Variants in TTC39A observed in about 807,000 individuals in gnomAD.
TTC39A encodes tetratricopeptide repeat domain 39A.
In TTC39A, 46 loss-of-function variants were observed where a neutral mutation model predicts 82.3. That is an observed-to-expected ratio of 0.56 (90% CI 0.44 to 0.71). TTC39A has a LOEUF of 0.71. TTC39A is among the 30% of genes least tolerant of loss of function. TTC39A has a pLI of 0.00. For missense variants in TTC39A, 543 were observed against 712.9 expected (o/e 0.76, Z 2.71); for synonymous variants, 254 against 275.2 (o/e 0.92, Z 0.76).
chr1:51,291,155 T>C (rs1372955861), intron 14 of TTC39A, among the ~76,000 whole-genome samples: 1 of 152,192 alleles, frequency 6.6e-6, no homozygotes, highest in African/African-American at 2.4e-5. Flanking sequence ...CACATCTGAT[T>C]CCTTTTATTC....
At chr1:51,317,609 G>T (rs2148257717) in intron 2 of TTC39A, among the ~76,000 whole-genome samples, 1 of 152,276 alleles carries the variant, frequency 6.6e-6, no homozygotes, top group South Asian at 2.1e-4. Flanking sequence ...AATTAGCCAG[G>T]CCTGGTGGCG....
chr1:51,337,897 T>A (rs1204448265), intron 1 of TTC39A, among the ~76,000 whole-genome samples: 20 of 151,956 alleles, frequency 1.3e-4, no homozygotes. Context: ...TTGTTTTGAG[T>A]GGGGTCTCAC....
chr1:51,302,978 C>T, intron 9 of TTC39A, 106 bp downstream of exon 9: 2 of 1,025,268 alleles, frequency 2.0e-6, no homozygotes, highest in East Asian at 2.6e-5. Context: ...GGTTTCAGTA[C>T]CCCTATCCCT....
intron 2 of TTC39A, among the ~76,000 whole-genome samples, chr1:51,315,097 C>T (rs1056861012): frequency 2.0e-5 from 3 of 152,226 alleles, no homozygotes; most frequent in East Asian, 1.9e-4. Flanking sequence ...GTCTGAGGCC[C>T]GGGACTCAGC....
intron 2 of TTC39A, among the ~76,000 whole-genome samples, chr1:51,314,450 A>G (rs1645208173): frequency 6.6e-6 from 1 of 152,190 alleles, no homozygotes; most frequent in Non-Finnish European, 1.5e-5. Context: ...GGAAAGAGAG[A>G]TGACTAAGGT....
Position 51,287,976 on chromosome 1 carries a change from T to C in TTC39A, c.*181A>G. 1 of 1,011,304 alleles carries C rather than the reference T, an allele frequency of 9.9e-7. No homozygotes were observed. Among genetic ancestry groups the C allele is most frequent in the Non-Finnish European group, 1.4e-6 (1 of 714,304 alleles). 62.6% of individuals were successfully genotyped at this position (1,011,304 alleles called of 1,614,324 possible). On this transcript the variant is annotated 3_prime_UTR_variant, in exon 18 of 18. Transcript: ENST00000680483. ...CCTGCTCTGCCCTTGGCAAAGGCCC[T>C]TGGCTACACTGGTGAAAATGCCAGC...
In TTC39A at chr1:51,301,862, C is replaced by T. The variant is rs1569834634; in HGVS notation, c.892-129G>A. On this transcript the variant is annotated intron_variant, in intron 11 of 17. Coordinates refer to ENST00000680483, the MANE Select transcript of TTC39A (RefSeq NM_001297663.2). Reference sequence around the variant, plus strand: ...CATAGTGGTCCAGCCCTGTGCTAGGCTCAGGTGGGGCCCCAGGAGCCAGGA... The same window carrying T: ...CATAGTGGTCCAGCCCTGTGCTAGGTTCAGGTGGGGCCCCAGGAGCCAGGA... 9 of 1,393,808 alleles carry T rather than the reference C, an allele frequency of 6.5e-6. No homozygotes were observed. In the East Asian group the frequency reaches 1.7e-4, roughly 27 times the overall value. The allele number at this position is 1,393,808 out of a possible 1,614,324, so 86.3% of individuals were successfully genotyped here.
At position 51,294,975 on chromosome 1, in the gene TTC39A, C is replaced by G. The variant is rs1231473300; in HGVS notation, c.1146-464G>C. On this transcript the variant is annotated intron_variant, in intron 13 of 17. Coordinates refer to ENST00000680483, the MANE Select transcript of TTC39A (RefSeq NM_001297663.2). The surrounding 1 kb of genome is among the most constrained non-coding windows in gnomAD (Gnocchi z 4.3). Reference sequence around the variant, plus strand: ...GAGTTCTGGCCTTCTCAGCTGTTTCCAAGGGCAGAGCAAAATGCGGTATGC... The same window carrying G: ...GAGTTCTGGCCTTCTCAGCTGTTTCGAAGGGCAGAGCAAAATGCGGTATGC... Among the ~76,000 whole-genome samples the G allele has an allele frequency of 2.0e-5, 3 of 152,192 alleles. No homozygotes were observed. The highest frequency in any genetic ancestry group is 6.5e-5 in the Admixed American group (1 of 15,282).
intron 12 of TTC39A, 91 bp from the exon 13 acceptor site, chr1:51,296,261 C>T: frequency 8.1e-7 from 1 of 1,233,426 alleles, no homozygotes; most frequent in East Asian, 2.5e-5. Context: ...CGTGGCCCAG[C>T]ACAGGAGCTC....
At chr1:51,312,433 C>T in intron 3 of TTC39A, among the ~76,000 whole-genome samples, 1 of 152,222 alleles carries the variant, frequency 6.6e-6, no homozygotes, top group East Asian at 1.9e-4. Flanking sequence ...AGTCCTGGGG[C>T]TGAGGCTATA....
chr1:51,303,642 C>T (rs1226860400), intron 8 of TTC39A, among the ~76,000 whole-genome samples: 1 of 152,114 alleles, frequency 6.6e-6, no homozygotes, highest in Non-Finnish European at 1.5e-5. Context: ...GGGGGCAGAC[C>T]CCCCACCTTG....
chr1:51,293,021 C>CAAG (rs1425568274), intron 14 of TTC39A, among the ~76,000 whole-genome samples: 1 of 151,936 alleles, frequency 6.6e-6, no homozygotes, highest in Admixed American at 6.6e-5. Context: ...CCTTGCCCTT[C>CAAG]CTACAATATC....
chr1:51,319,786 G>A (rs1230376715), intron 2 of TTC39A, among the ~76,000 whole-genome samples: 1 of 151,538 alleles, frequency 6.6e-6, no homozygotes, highest in Non-Finnish European at 1.5e-5. Context: ...CACCTCCTGG[G>A]TTCAAGCGAT....
intron 12 of TTC39A, chr1:51,297,538 C>G (rs529584396): frequency 1.3e-5 from 2 of 152,490 alleles, no homozygotes; most frequent in Admixed American, 1.3e-4. Context: ...TCTTTAACCT[C>G]CCGGGTCACC....
intron 1 of TTC39A, among the ~76,000 whole-genome samples, chr1:51,337,346 G>A (rs1047525201): frequency 6.6e-6 from 1 of 151,688 alleles, no homozygotes; most frequent in African/African-American, 2.4e-5. Context: ...CTTCTCACAC[G>A]ATTCACTACT....
intron 1 of TTC39A, among the ~76,000 whole-genome samples, chr1:51,338,321 A>G (rs1436529749): frequency 2.0e-5 from 3 of 152,070 alleles, no homozygotes; most frequent in African/African-American, 7.2e-5. Flanking sequence ...TTCCTCCTCT[A>G]TTAAAGTGGA....
At position 51,294,110 on chromosome 1, in the gene TTC39A, G is replaced by T. The variant is rs1301825329; in HGVS notation, c.1266+281C>A. On this transcript the variant is annotated intron_variant, in intron 14 of 17. Transcript: ENST00000680483. The surrounding 1 kb of genome is among the most constrained non-coding windows in gnomAD (Gnocchi z 4.3). ...AGGCTGGGATCACTGGCAGCCGGGT[G>T]ATGCCGCTGCCTGGGCACATGGACA... is the stretch of plus-strand genomic sequence containing the variant. Among the ~76,000 whole-genome samples the T allele has an allele frequency of 7.2e-5, 11 of 152,234 alleles. No homozygotes were observed. Among genetic ancestry groups the T allele is most frequent in the African/African-American group, 2.4e-4 (10 of 41,464 alleles).
intron 4 of TTC39A, 33 bp downstream of exon 4, chr1:51,312,086 A>G: frequency 6.3e-7 from 1 of 1,599,274 alleles, no homozygotes; most frequent in Non-Finnish European, 8.5e-7. Context: ...ACCTGGGCTT[A>G]GCATGGTTGA....
At chr1:51,312,043 G>A (rs1645103486) in intron 4 of TTC39A, 76 bp downstream of exon 4, 1 of 1,488,838 alleles carries the variant, frequency 6.7e-7, no homozygotes, top group East Asian at 2.4e-5. Context: ...TGACAGGGAA[G>A]AAAACTGCCC....
Sources: gnomAD v4.1 joint callset for allele counts (sites outside exome capture counted in the v4.1 genomes callset) on GRCh38, gnomAD v4.1.1 for gene constraint, Gnocchi (gnomAD v3.1) non-coding constraint, MANE v1.5 for transcripts, NCBI Gene and HGNC (gene_info 2026-07-23, HGNC 2026-07-21) for gene names.